The following NFIB variants were observed in gnomAD, a reference collection of about 807,000 sequenced individuals.
NFIB encodes the protein nuclear factor I B.
NFIB carries 11 observed loss-of-function variants against 61.5 expected under a neutral mutation model. The observed-to-expected ratio is 0.18, with a 90% CI of 0.11 to 0.30. NFIB has a LOEUF of 0.30. Ranked by LOEUF, NFIB falls within the 10% of genes least tolerant of loss-of-function variation. NFIB has a pLI of 1.00. For missense variants in NFIB, 471 were observed against 608.9 expected (o/e 0.77, Z 2.38); for synonymous variants, 260 against 216.5 (o/e 1.20, Z -1.76).
rs2032874018 is a variant in NFIB, at chr9:14,086,408, C to T, written c.*1901G>A. 1 of 218,378 alleles carries T rather than the reference C, an allele frequency of 4.6e-6. No individual in the cohort carries two copies. Among genetic ancestry groups the T allele is most frequent in the African/African-American group, 2.3e-5 (1 of 44,402 alleles). 13.5% of individuals were successfully genotyped at this position (218,378 alleles called of 1,614,324 possible). On this transcript the variant is annotated 3_prime_UTR_variant, in exon 11 of 11. Coordinates refer to ENST00000380953, the MANE Select transcript of NFIB (RefSeq NM_001190737.2). ...TTTTTTTTTTAAATCTGTGTACTTA[C>T]CTATAATAACCAATACAGCTAAAAG...
chr9:14,194,270 C>T (rs1261693419), intron 2 of NFIB, among the ~76,000 whole-genome samples: 1 of 152,018 alleles, frequency 6.6e-6, no homozygotes, highest in Non-Finnish European at 1.5e-5. Context: ...TATGTTTTCC[C>T]ACCACCCTTT....
intron 4 of NFIB, among the ~76,000 whole-genome samples, chr9:14,150,738 G>C (rs1003484600): frequency 3.3e-5 from 5 of 152,106 alleles, no homozygotes; most frequent in South Asian, 4.2e-4. Flanking sequence ...CAGCCTCCCA[G>C]TTAGGATATG....
intron 2 of NFIB, among the ~76,000 whole-genome samples, chr9:14,196,971 A>G (rs1314878937): frequency 1.3e-5 from 2 of 152,236 alleles, no homozygotes; most frequent in East Asian, 3.8e-4. Context: ...ATCAATCAAG[A>G]ATGTGCAAAA....
At chr9:14,266,460 T>C (rs752075373) in intron 2 of NFIB, among the ~76,000 whole-genome samples, 5 of 152,094 alleles carry the variant, frequency 3.3e-5, no homozygotes, top group Non-Finnish European at 7.4e-5. Flanking sequence ...CAGGGTATTG[T>C]GTCCCATGCC....
intron 1 of NFIB, among the ~76,000 whole-genome samples, chr9:14,351,451 C>T (rs575061439): frequency 1.3e-5 from 2 of 152,304 alleles, no homozygotes; most frequent in South Asian, 4.1e-4. Flanking sequence ...AATCACACCC[C>T]TTCTGCCTAC....
the NFIB span, among the ~76,000 whole-genome samples, chr9:14,405,460 T>C: frequency 1.3e-5 from 2 of 152,212 alleles, no homozygotes; most frequent in African/African-American, 4.8e-5. Flanking sequence ...GGAAACTGAC[T>C]TTGGAGGCTG....
At chr9:14,202,907 A>G (rs878955690) in intron 2 of NFIB, among the ~76,000 whole-genome samples, 1 of 152,186 alleles carries the variant, frequency 6.6e-6, no homozygotes, top group Admixed American at 6.5e-5. Flanking sequence ...TGAACAGTTG[A>G]ATGCTACTTA....
chr9:14,231,892 G>C (rs1055888482), intron 2 of NFIB, among the ~76,000 whole-genome samples: 2 of 152,034 alleles, frequency 1.3e-5, no homozygotes, highest in African/African-American at 4.8e-5. Flanking sequence ...AAGCAAGGAG[G>C]AAAAAAATCT....
chr9:14,230,101 G>C (rs1466407590), intron 2 of NFIB, among the ~76,000 whole-genome samples: 2 of 152,180 alleles, frequency 1.3e-5, no homozygotes, highest in African/African-American at 4.8e-5. Context: ...CACTGTGCCT[G>C]GCCTGACCTG....
chr9:14,438,036 A>ACG, the NFIB span, among the ~76,000 whole-genome samples: 1 of 141,960 alleles, frequency 7.0e-6, no homozygotes, highest in African/African-American at 2.6e-5. Context: ...GTGTGCGCGT[A>ACG]TGTGCGTGCG....
intron 1 of NFIB, among the ~76,000 whole-genome samples, chr9:14,388,640 T>G (rs1588409992): frequency 6.6e-6 from 1 of 152,084 alleles, no homozygotes; most frequent in East Asian, 1.9e-4. Context: ...ATAAAAATTA[T>G]GAATGGGGAG....
At chr9:14,418,801 T>G in the NFIB span, among the ~76,000 whole-genome samples, 2 of 152,150 alleles carry the variant, frequency 1.3e-5, no homozygotes, top group African/African-American at 4.8e-5. Flanking sequence ...ACTTCCAAAT[T>G]TAGGCTTGCA....
At chr9:14,508,189 C>T in the NFIB span, among the ~76,000 whole-genome samples, 1 of 151,592 alleles carries the variant, frequency 6.6e-6, no homozygotes, top group Non-Finnish European at 1.5e-5. Flanking sequence ...TCTACATAAA[C>T]ATTATATATA....
the NFIB span, among the ~76,000 whole-genome samples, chr9:14,494,809 G>C: frequency 2.0e-5 from 3 of 152,154 alleles, no homozygotes; most frequent in South Asian, 2.1e-4. Context: ...CTTCAGACTG[G>C]CCACTCTCAA....
intron 2 of NFIB, among the ~76,000 whole-genome samples, chr9:14,185,173 G>A (rs559397778): frequency 3.2e-4 from 48 of 152,196 alleles, no homozygotes; most frequent in African/African-American, 1.1e-3. Flanking sequence ...AAATCAAGAG[G>A]GGACAGATGA....
chr9:14,525,264 C>T, the NFIB span, among the ~76,000 whole-genome samples: 1 of 152,174 alleles, frequency 6.6e-6, no homozygotes, highest in Admixed American at 6.5e-5. Flanking sequence ...AACACCTTAC[C>T]ATGGTCACCA....
chr9:14,454,434 G>A, the NFIB span, among the ~76,000 whole-genome samples: 4 of 152,226 alleles, frequency 2.6e-5, no homozygotes, highest in African/African-American at 7.2e-5. Flanking sequence ...ATTTGACCAG[G>A]AGGTAACCCT....
chr9:14,500,583 T>G, the NFIB span, among the ~76,000 whole-genome samples: 1 of 152,182 alleles, frequency 6.6e-6, no homozygotes, highest in South Asian at 2.1e-4. Context: ...TATAATTATA[T>G]TAACTGACTG....
intron 3 of NFIB, among the ~76,000 whole-genome samples, chr9:14,159,770 G>C (rs2043927881): frequency 6.6e-6 from 1 of 152,240 alleles, no homozygotes. Context: ...GAAATGGGCA[G>C]GGGTCCTGCA....
Sources: gnomAD v4.1 joint callset for allele counts (sites outside exome capture counted in the v4.1 genomes callset) on GRCh38, gnomAD v4.1.1 for gene constraint, MANE v1.5 for transcripts, NCBI Gene and HGNC (gene_info 2026-07-23, HGNC 2026-07-21) for gene names.